The following ABCA10 variants were observed in gnomAD, a reference collection of about 807,000 sequenced individuals.
ABCA10 encodes ATP-binding cassette sub-family A member 10.
Under a neutral mutation model 187.5 loss-of-function variants are expected in ABCA10, and 169 were observed. The observed-to-expected ratio is 0.90, with a 90% CI of 0.80 to 1.02. ABCA10 has a LOEUF of 1.02. Among genes scored for constraint, ABCA10 ranks in the 50% least tolerant of loss-of-function variants. The probability of loss-of-function intolerance (pLI) is 0.00; values close to 1 mark genes in which losing one functional copy is unlikely to be tolerated. For missense variants in ABCA10, 1,727 were observed against 1,812.4 expected (o/e 0.95, Z 0.86); for synonymous variants, 574 against 601.8 (o/e 0.95, Z 0.68).
chr17:69,193,081 C>G (rs1416535585), intron 15 of ABCA10, 29 bp downstream of exon 15: 1 of 1,565,744 alleles, frequency 6.4e-7, no homozygotes, highest in Admixed American at 2.1e-5. Context: ...CCTTAAATAA[C>G]TAGTTGGAAT....
chr17:69,222,896 T>C (rs893971056), intron 3 of ABCA10, among the ~76,000 whole-genome samples, 199 bp from the exon 4 acceptor site: 1 of 152,218 alleles, frequency 6.6e-6, no homozygotes, highest in Non-Finnish European at 1.5e-5. Context: ...AAAGGACACA[T>C]TGTCTTTTAA....
At chr17:69,210,847 C>CACACATATATATATATATATATATATAT (rs1169352704) in intron 9 of ABCA10, among the ~76,000 whole-genome samples, 4 of 37,888 alleles carry the variant, frequency 1.1e-4, no homozygotes, top group African/African-American at 1.7e-4. Context: ...ATTTATGCCA[C>CACACATATATATATATATATATATATAT]ATATATATAT....
At chr17:69,165,920 C>T (rs575630854) in intron 25 of ABCA10, among the ~76,000 whole-genome samples, 3 of 152,164 alleles carry the variant, frequency 2.0e-5, no homozygotes, top group East Asian at 3.9e-4. Flanking sequence ...AAACTATAAA[C>T]AAATCTATTA....
chr17:69,215,555 C>A, intron 8 of ABCA10: 1 of 298,430 alleles, frequency 3.4e-6, no homozygotes, highest in Non-Finnish European at 6.0e-6. Flanking sequence ...TAAAGGGGGA[C>A]ACAAACCAGA....
chr17:69,159,385 A>G (rs2074198215), intron 27 of ABCA10, among the ~76,000 whole-genome samples: 2 of 152,218 alleles, frequency 1.3e-5, no homozygotes, highest in East Asian at 3.9e-4. Context: ...AATTTTTTTT[A>G]AGAAATGATG....
At chr17:69,222,753 A>G (rs2074760690) in intron 3 of ABCA10, 56 bp from the exon 4 acceptor site, 1 of 1,433,046 alleles carries the variant, frequency 7.0e-7, no homozygotes, top group Non-Finnish European at 9.3e-7. Context: ...ACTAGAGGAC[A>G]CAAAAACAAA....
intron 22 of ABCA10, among the ~76,000 whole-genome samples, chr17:69,179,872 G>A (rs1202571768): frequency 4.6e-5 from 7 of 152,158 alleles, no homozygotes; most frequent in Non-Finnish European, 1.0e-4. Context: ...TTTATTAAAT[G>A]CAGGGTGAAC....
intron 30 of ABCA10, among the ~76,000 whole-genome samples, 177 bp from the exon 31 acceptor site, chr17:69,154,503 C>G (rs974504894): frequency 2.8e-4 from 42 of 148,746 alleles, no homozygotes; most frequent in African/African-American, 9.0e-4. Context: ...TTGCCTGCTG[C>G]AGCCTTGATC....
chr17:69,212,507 T>C (rs1172518858), intron 9 of ABCA10, among the ~76,000 whole-genome samples: 2 of 152,180 alleles, frequency 1.3e-5, no homozygotes, highest in Admixed American at 1.3e-4. Flanking sequence ...AGACCATTGT[T>C]TCTTTGTTAA....
intron 6 of ABCA10, among the ~76,000 whole-genome samples, chr17:69,218,411 GCTTT>G (rs1224589215): frequency 6.6e-6 from 1 of 151,842 alleles, no homozygotes; most frequent in Non-Finnish European, 1.5e-5. Flanking sequence ...ACTTTTCTCT[GCTTT>G]ATTTTTCTTA....
At chr17:69,208,278 C>T (rs1267288682) in intron 9 of ABCA10, among the ~76,000 whole-genome samples, 2 of 151,906 alleles carry the variant, frequency 1.3e-5, no homozygotes, top group East Asian at 1.9e-4. Context: ...ATTAGCTGGG[C>T]GTGGTGGCAG....
chr17:69,216,268 A>G lies in ABCA10; in HGVS notation c.621T>C (p.His207=), dbSNP rs141867184. ...GTGTGAATATCACCATGAAGCCAGTATGAAATACAATTGGGATTGATGTTA... is the reference window on the plus strand; with the variant it reads ...GTGTGAATATCACCATGAAGCCAGTGTGAAATACAATTGGGATTGATGTTA... ...LVITSIPIVF[H]TGFMVIFTLY... The change falls in exon 7 of 39, where the codon CAT becomes CAC. Residue 207 remains histidine, a synonymous_variant. Coordinates refer to ENST00000690296, the MANE Select transcript of ABCA10 (RefSeq NM_001377321.1). 812 of 1,613,752 alleles carry G rather than the reference A, an allele frequency of 5.0e-4. 1 individual carries two copies. Among genetic ancestry groups the G allele is most frequent in the Non-Finnish European group, 6.2e-4 (736 of 1,179,768 alleles).
intron 26 of ABCA10, among the ~76,000 whole-genome samples, chr17:69,164,422 C>A (rs1012356508): frequency 6.6e-6 from 1 of 152,098 alleles, no homozygotes; most frequent in Non-Finnish European, 1.5e-5. Context: ...AAGTACAGAA[C>A]TATGAAGTAG....
chr17:69,231,519 T>C (rs1043014562), upstream of ABCA10, among the ~76,000 whole-genome samples: 7 of 152,180 alleles, frequency 4.6e-5, no homozygotes, highest in Non-Finnish European at 8.8e-5. Context: ...AATTGCTCCA[T>C]TGACCCATTA....
intron 6 of ABCA10, among the ~76,000 whole-genome samples, chr17:69,219,314 C>T (rs137905113): frequency 0.034 from 5,116 of 152,160 alleles, 120 homozygotes; most frequent in South Asian, 0.057. Flanking sequence ...GGTTTTTATG[C>T]GGCATTTTTC....
intron 6 of ABCA10, 72 bp downstream of exon 6, chr17:69,219,473 A>AT: frequency 2.5e-6 from 3 of 1,216,932 alleles, no homozygotes; most frequent in Non-Finnish European, 3.3e-6. Context: ...AGTGCGTCCA[A>AT]TTTTTTAAGA....
intron 9 of ABCA10, among the ~76,000 whole-genome samples, chr17:69,208,867 C>A (rs2074613457): frequency 6.6e-6 from 1 of 151,958 alleles, no homozygotes; most frequent in African/African-American, 2.4e-5. Flanking sequence ...CAAGACCCCA[C>A]CTCTACAAAA....
At chr17:69,233,157 C>T (rs1035686922), upstream of ABCA10, 1 of 152,072 alleles carries the variant, frequency 6.6e-6, no homozygotes, top group Non-Finnish European at 1.5e-5. Context: ...CTTCACACTG[C>T]TTTGTCTTTC....
chr17:69,196,394 G>C (rs555901310), intron 11 of ABCA10: 1 of 177,064 alleles, frequency 5.6e-6, no homozygotes, highest in Non-Finnish European at 1.2e-5. Context: ...GGGCAGGGGC[G>C]CTCCTCACAT....
Sources: gnomAD v4.1 joint callset for allele counts (sites outside exome capture counted in the v4.1 genomes callset) on GRCh38, gnomAD v4.1.1 for gene constraint, MANE v1.5 for transcripts, NCBI Gene and HGNC (gene_info 2026-07-23, HGNC 2026-07-21) for gene names.